The following ALKAL1 variants were observed in gnomAD, a reference collection of about 807,000 sequenced individuals.
The protein encoded by ALKAL1 is AUG-beta.
A neutral mutation model predicts 13.5 loss-of-function variants in ALKAL1; 23 were observed. The observed-to-expected ratio is 1.70, with a 90% CI of 1.23 to 2.41. The LOEUF (loss-of-function observed/expected upper bound fraction) is 2.41, where lower values mean the gene tolerates loss of function less well. Ranked by LOEUF, ALKAL1 falls within the 30% of genes most tolerant of loss-of-function variation. The probability of loss-of-function intolerance (pLI) is 0.00; values close to 1 mark genes in which losing one functional copy is unlikely to be tolerated. For missense variants in ALKAL1, 181 were observed against 178.4 expected, an observed-to-expected ratio of 1.01 and a Z score of -0.08; for synonymous variants, 85 against 77.7, an observed-to-expected ratio of 1.09 and a Z score of -0.49.
intron 1 of ALKAL1, among the ~76,000 whole-genome samples, chr8:52,561,230 G>C (rs1481140745): frequency 6.6e-6 from 1 of 152,106 alleles, no homozygotes; most frequent in African/African-American, 2.4e-5. Flanking sequence ...GAGAATTTGG[G>C]CTGTACAAAT....
At chr8:52,535,040 T>C (rs1847252145) in intron 4 of ALKAL1, among the ~76,000 whole-genome samples, 3 of 152,240 alleles carry the variant, frequency 2.0e-5, no homozygotes, top group African/African-American at 7.2e-5. Context: ...TTCTATGATC[T>C]AGCCCAGGAG....
At chr8:52,544,621 G>C (rs1026658686) in intron 1 of ALKAL1, among the ~76,000 whole-genome samples, 1 of 152,124 alleles carries the variant, frequency 6.6e-6, no homozygotes, top group Non-Finnish European at 1.5e-5. Flanking sequence ...GGGAGAATTG[G>C]CCAAAGGATA....
At chr8:52,544,598 G>A (rs1847348563) in intron 1 of ALKAL1, among the ~76,000 whole-genome samples, 1 of 152,162 alleles carries the variant, frequency 6.6e-6, no homozygotes. Context: ...ACCGTTGAGG[G>A]AGGGAGGGAA....
chr8:52,556,402 C>T (rs1266761771), intron 1 of ALKAL1, among the ~76,000 whole-genome samples: 2 of 151,864 alleles, frequency 1.3e-5, no homozygotes, highest in Admixed American at 1.3e-4. Flanking sequence ...AATCCCAGCA[C>T]TTTGGGAGGC....
intron 1 of ALKAL1, among the ~76,000 whole-genome samples, chr8:52,554,938 G>C (rs201443311): frequency 6.6e-6 from 1 of 152,192 alleles, no homozygotes; most frequent in Non-Finnish European, 1.5e-5. Flanking sequence ...TTGGGAGGCT[G>C]AGGCGGGCGG....
chr8:52,550,074 A>G (rs932764077), intron 1 of ALKAL1, among the ~76,000 whole-genome samples: 1 of 152,242 alleles, frequency 6.6e-6, no homozygotes, highest in Non-Finnish European at 1.5e-5. Flanking sequence ...GTGTATAAAT[A>G]TTTGTAAATA....
chr8:52,558,393 C>T (rs888031864), intron 1 of ALKAL1, among the ~76,000 whole-genome samples: 4 of 148,152 alleles, frequency 2.7e-5, no homozygotes, highest in Admixed American at 1.3e-4. Flanking sequence ...GGGGCACACT[C>T]TTCAACAACA....
At chr8:52,550,916 A>G (rs1847422426) in intron 1 of ALKAL1, among the ~76,000 whole-genome samples, 1 of 152,236 alleles carries the variant, frequency 6.6e-6, no homozygotes, top group Non-Finnish European at 1.5e-5. Flanking sequence ...CAATAGGGCC[A>G]CACTCTGAGG....
chr8:52,561,696 T>C (rs1393404427), intron 1 of ALKAL1, among the ~76,000 whole-genome samples: 1 of 152,186 alleles, frequency 6.6e-6, no homozygotes, highest in Non-Finnish European at 1.5e-5. Flanking sequence ...TGCTACTTAT[T>C]AAGCACGTTG....
At chr8:52,543,411 C>G (rs1847333807) in intron 1 of ALKAL1, among the ~76,000 whole-genome samples, 1 of 152,290 alleles carries the variant, frequency 6.6e-6, no homozygotes, top group Non-Finnish European at 1.5e-5. Flanking sequence ...GGGATTCTAA[C>G]TGTTCCTTAC....
At chr8:52,538,356 AAAAAG>A in intron 4 of ALKAL1, 70 bp downstream of exon 4, 2 of 888,370 alleles carry the variant, frequency 2.3e-6, no homozygotes, top group Non-Finnish European at 3.6e-6. Flanking sequence ...TGTGTCAACT[AAAAAG>A]AAAAGGAAAA....
At chr8:52,550,974 T>C (rs1010634713) in intron 1 of ALKAL1, among the ~76,000 whole-genome samples, 1 of 152,288 alleles carries the variant, frequency 6.6e-6, no homozygotes, top group Non-Finnish European at 1.5e-5. Flanking sequence ...AGGAACACAA[T>C]TAAATTCCTA....
intron 1 of ALKAL1, among the ~76,000 whole-genome samples, chr8:52,544,474 T>G (rs993729104): frequency 2.6e-5 from 4 of 152,148 alleles, no homozygotes; most frequent in Non-Finnish European, 4.4e-5. Flanking sequence ...AGGCTGCAGG[T>G]GCAGGTAGGC....
At chr8:52,539,607 C>G (rs1467849962) in intron 3 of ALKAL1, among the ~76,000 whole-genome samples, 2 of 152,044 alleles carry the variant, frequency 1.3e-5, no homozygotes, top group African/African-American at 4.8e-5. Context: ...GGAAATCTGG[C>G]TATTATCAGA....
chr8:52,551,795 C>T (rs1847433767), intron 1 of ALKAL1, among the ~76,000 whole-genome samples: 1 of 151,858 alleles, frequency 6.6e-6, no homozygotes, highest in Admixed American at 6.6e-5. Flanking sequence ...AACTAAAACC[C>T]AAAGTTTTGG....
intron 4 of ALKAL1, among the ~76,000 whole-genome samples, chr8:52,534,907 T>G (rs1389497522): frequency 6.6e-6 from 1 of 152,234 alleles, no homozygotes; most frequent in East Asian, 1.9e-4. Flanking sequence ...TCTGTAGTAT[T>G]GATTGTAAAC....
intron 1 of ALKAL1, among the ~76,000 whole-genome samples, chr8:52,556,134 T>C (rs1396566113): frequency 6.6e-6 from 1 of 152,262 alleles, no homozygotes; most frequent in Non-Finnish European, 1.5e-5. Context: ...GCATGTTGTT[T>C]CCTAGATGAG....
chr8:52,557,569 C>A (rs1847497652), intron 1 of ALKAL1, among the ~76,000 whole-genome samples: 1 of 152,170 alleles, frequency 6.6e-6, no homozygotes. Context: ...AAAGATCAGA[C>A]TTTTTTTAAC....
chr8:52,534,262 G>C lies in ALKAL1; in HGVS notation c.*351C>G. 1 of 180,298 alleles carries C rather than the reference G, an allele frequency of 5.5e-6. No individual in the cohort carries two copies. The highest frequency in any genetic ancestry group is 1.1e-5 in the Non-Finnish European group (1 of 87,012). The allele number at this position is 180,298 out of a possible 1,614,324, so 11.2% of individuals were successfully genotyped here. A position where few individuals can be genotyped will look rare whatever the true frequency, so the allele number is the denominator to read the frequency against. ...TCATTATTTCTCACTGGCACTCACA[G>C]ATATAATTTACACAATTAAATGTTT... On this transcript the variant is annotated 3_prime_UTR_variant, in exon 5 of 5. Coordinates refer to ENST00000358543, the MANE Select transcript of ALKAL1 (RefSeq NM_207413.4).
Sources: allele counts gnomAD v4.1 joint callset (sites outside exome capture counted in the v4.1 genomes callset), GRCh38; gene constraint gnomAD v4.1.1; transcripts MANE v1.5; gene names NCBI Gene and HGNC (gene_info 2026-07-23, HGNC 2026-07-21).